The following AATK variants were observed in gnomAD, a reference collection of about 807,000 sequenced individuals.
AATK encodes lemur tail kinase 1.
In AATK, 91 loss-of-function variants were observed where a neutral mutation model predicts 114.3. The observed-to-expected ratio is 0.80, with a 90% CI of 0.67 to 0.95. The LOEUF (loss-of-function observed/expected upper bound fraction) is 0.95, where lower values mean the gene tolerates loss of function less well. AATK is among the 40% of genes least tolerant of loss of function. AATK has a pLI of 0.00. For synonymous variants in AATK, 1,075 were observed against 916.5 expected, an observed-to-expected ratio of 1.17 and a Z score of -3.12; for missense variants, 2,176 against 1,965.2, an observed-to-expected ratio of 1.11 and a Z score of -2.03.
At position 81,122,279 on chromosome 17, in the gene AATK, T is replaced by C. The variant is rs1218906774; in HGVS notation, c.1657A>G (p.Ser553Gly). The C allele has an allele frequency of 1.3e-6, 2 of 1,499,166 alleles. No individual in the cohort carries two copies. Among genetic ancestry groups the C allele is most frequent in the Non-Finnish European group, 8.8e-7 (1 of 1,131,220 alleles). 92.9% of individuals were successfully genotyped at this position (1,499,166 alleles called of 1,614,324 possible). A position where few individuals can be genotyped will look rare whatever the true frequency, so the allele number is the denominator to read the frequency against. Residue 553 changes from serine (S) to glycine (G), a missense_variant, in exon 11 of 14, where the codon AGT becomes GGT. By Grantham distance (56) the Ser-to-Gly change is moderately conservative. This residue lies in a region of AATK where 1,701 missense variants were observed against 1,394.7 expected (regional missense o/e 1.22). Coordinates refer to ENST00000326724, the MANE Select transcript of AATK (RefSeq NM_001080395.3). ...TCCTGGTCCGCGGTGGCAGGTGGAC[T>C]GGGGGCGCAGCCGGCGCAGTCAGGG... is the stretch of plus-strand genomic sequence containing the variant. Reference protein sequence around the residue: ...HDPDCAGCAPSPPATADQDDD... With the variant: ...HDPDCAGCAPGPPATADQDDD...
intron 1 of AATK, among the ~76,000 whole-genome samples, chr17:81,153,084 C>T (rs2061317855): frequency 1.3e-5 from 2 of 152,168 alleles, no homozygotes; most frequent in Non-Finnish European, 2.9e-5. Flanking sequence ...TCAGGTGATC[C>T]GCCTGCCTCG....
chr17:81,160,307 C>A, intron 1 of AATK: 6 of 961,740 alleles, frequency 6.2e-6, no homozygotes, highest in Non-Finnish European at 7.4e-6. Context: ...GGGAGGACCC[C>A]AGCCCGCCCC....
chr17:81,121,530 T>C lies in AATK; in HGVS notation c.2406A>G (p.Pro802=), dbSNP rs1477730911. ...PRLPLPSVPS[P]SQEGAPLPSE... is the part of the protein sequence containing the mutation. ...AGGGAAGTGGGGCTCCCTCCTGGGA[T>C]GGGGAGGGGACGGAAGGAAGGGGCA... The change falls in exon 11 of 14, where the codon CCA becomes CCG. Residue 802 remains proline (P), a synonymous_variant. Transcript: ENST00000326724. 1.9e-6 allele frequency: 3 copies of C among 1,539,200 alleles called. No individual in the cohort carries two copies. The highest frequency in any genetic ancestry group is 4.6e-5 in the East Asian group (2 of 43,912).
At position 81,117,354 on chromosome 17, in the gene AATK, G is replaced by C. The variant is rs1021430234; in HGVS notation, c.*1048C>G. The C allele has an allele frequency of 2.0e-5, 3 of 152,300 alleles. No individual in the cohort carries two copies. The highest frequency in any genetic ancestry group is 2.9e-5 in the Non-Finnish European group (2 of 68,056). 9.4% of individuals were successfully genotyped at this position (152,300 alleles called of 1,614,324 possible). A position where few individuals can be genotyped will look rare whatever the true frequency, so the allele number is the denominator to read the frequency against. On this transcript the variant is annotated 3_prime_UTR_variant, in exon 14 of 14. Coordinates refer to ENST00000326724, the MANE Select transcript of AATK (RefSeq NM_001080395.3). The stretch of plus-strand genomic sequence containing the variant: ...CAAGGAACAAGAAAACATTGCACCA[G>C]CGTTCTAAGCCTCAAACAAAACACA...
At chr17:81,145,340 A>T (rs1469644131) in intron 1 of AATK, among the ~76,000 whole-genome samples, 1 of 152,238 alleles carries the variant, frequency 6.6e-6, no homozygotes, top group African/African-American at 2.4e-5. Flanking sequence ...CTTAAAAGAA[A>T]ATAGGTAAAT....
rs1267876635 is a variant in AATK, at chr17:81,121,414, G to A, written c.2522C>T (p.Ala841Val). ...TGGEVSAIKLASALNGSSSSP... is the reference protein window; with the variant it reads ...TGGEVSAIKLVSALNGSSSSP... ...GCTGCTGCTGCCATTCAGGGCAGAA[G>A]CCAGCTTGATGGCAGACACCTCGCC... Residue 841 changes from alanine to valine, a missense_variant, in exon 11 of 14, where the codon GCT becomes GTT. This residue lies in a region of AATK where 1,701 missense variants were observed against 1,394.7 expected (regional missense o/e 1.22). Coordinates refer to ENST00000326724, the MANE Select transcript of AATK (RefSeq NM_001080395.3). 1.2e-6 allele frequency: 2 copies of A among 1,607,122 alleles called. No individual in the cohort carries two copies. Among genetic ancestry groups the A allele is most frequent in the South Asian group, 2.2e-5 (2 of 90,024 alleles).
intron 11 of AATK, 33 bp from the exon 12 acceptor site, chr17:81,120,116 C>T: frequency 6.8e-7 from 1 of 1,467,010 alleles, no homozygotes; most frequent in African/African-American, 1.4e-5. Context: ...GGTAGCTCGG[C>T]CGCCAGGAGC....
intron 3 of AATK, among the ~76,000 whole-genome samples, chr17:81,130,549 C>T (rs1368428939): frequency 6.6e-6 from 1 of 152,134 alleles, no homozygotes; most frequent in Non-Finnish European, 1.5e-5. Flanking sequence ...CACCACCCGC[C>T]CACACGGGCC....
At chr17:81,165,551 G>A (rs1398637217) in intron 1 of AATK, 4 of 1,032,840 alleles carry the variant, frequency 3.9e-6, no homozygotes, top group African/African-American at 1.6e-5. Flanking sequence ...CCAGGGCCCC[G>A]GACCCAGGAG....
chr17:81,137,985 C>T (rs1326146667), intron 1 of AATK, among the ~76,000 whole-genome samples: 2 of 150,982 alleles, frequency 1.3e-5, no homozygotes, highest in Non-Finnish European at 3.0e-5. Context: ...CACCCACACG[C>T]GTGCACACAC....
chr17:81,142,703 T>C (rs2061156370), intron 1 of AATK, among the ~76,000 whole-genome samples: 1 of 152,090 alleles, frequency 6.6e-6, no homozygotes. Flanking sequence ...GCTGCCGGCT[T>C]TGAGTCAGTC....
chr17:81,166,006 G>A lies in AATK; in HGVS notation c.-14C>T. 4.5e-6 allele frequency: 7 copies of A among 1,554,258 alleles called. No individual in the cohort carries two copies. The highest frequency in any genetic ancestry group is 6.1e-6 in the Non-Finnish European group (7 of 1,152,768). ...GGACGACGACATGGCCGGGCCAGCG[G>A]CCGGCGGGCATCCCGGGAGGGCGCT... On this transcript the variant is annotated 5_prime_UTR_variant, in exon 1 of 14. Coordinates refer to ENST00000326724, the MANE Select transcript of AATK (RefSeq NM_001080395.3).
In AATK at chr17:81,155,193, TCAAGAC is replaced by T. The variant is rs2061345848; in HGVS notation, c.55+10739_55+10744del. Among the ~76,000 whole-genome samples the T allele has an allele frequency of 3.9e-5, 6 of 152,298 alleles. No homozygotes were observed. The South Asian group carries it at 1.2e-3, about 32-fold the overall frequency. ...TCGCATTTGGGCAAGATAAAATTTC[TCAAGAC>T]CCTGGCTCTGTGGGCGACTGCACGT... On this transcript the variant is annotated intron_variant, in intron 1 of 13. Transcript: ENST00000326724.
chr17:81,156,686 C>T (rs965370518), intron 1 of AATK, among the ~76,000 whole-genome samples: 2 of 152,222 alleles, frequency 1.3e-5, no homozygotes, highest in South Asian at 2.1e-4. Flanking sequence ...TGTGAGCCAC[C>T]GCGCCCAGAC....
intron 1 of AATK, among the ~76,000 whole-genome samples, chr17:81,141,957 C>CTTCCTTCCTTCCT (rs2061146496): frequency 1.2e-5 from 1 of 83,120 alleles, no homozygotes; most frequent in African/African-American, 3.4e-5. Context: ...CCTTCCTTTC[C>CTTCCTTCCTTCCT]TTCCTTCCTT....
chr17:81,121,477 G>A lies in AATK; in HGVS notation c.2459C>T (p.Pro820Leu), dbSNP rs756445170. 6.4e-7 allele frequency: 1 copy of A among 1,568,644 alleles called. No homozygotes were observed. Among genetic ancestry groups the A allele is most frequent in the South Asian group, 1.2e-5 (1 of 84,248 alleles). ...CGTGGGAGAGTCAGGCAGGGCATCAGGGGCGTCGGGGGCACTGGCCTCCTC... is the reference window on the plus strand; with the variant it reads ...CGTGGGAGAGTCAGGCAGGGCATCAAGGGCGTCGGGGGCACTGGCCTCCTC... ...PSEEASAPDA[P>L]DALPDSPTPA... Residue 820 changes from proline to leucine, a missense_variant, in exon 11 of 14, where the codon CCT becomes CTT. Physicochemically the swap from Pro to Leu is moderately conservative, Grantham distance 98 (BLOSUM62 -3). This residue lies in a region of AATK where 1,701 missense variants were observed against 1,394.7 expected (regional missense o/e 1.22). Coordinates refer to ENST00000326724, the MANE Select transcript of AATK (RefSeq NM_001080395.3).
Position 81,120,672 on chromosome 17 carries a change from C to A in AATK, c.3264G>T (p.Lys1088Asn). Residue 1088 changes from lysine to asparagine, a missense_variant, in exon 11 of 14, where the codon AAG becomes AAT. Transcript: ENST00000326724. ...PEPPEPQGPAKVRPGPSPSCS... is the reference protein window; with the variant it reads ...PEPPEPQGPANVRPGPSPSCS... Reference sequence around the variant, plus strand: ...AGCTGGGGCTGGGCCCAGGCCGCACCTTGGCTGGGCCTTGGGGCTCCGGAG... The same window carrying A: ...AGCTGGGGCTGGGCCCAGGCCGCACATTGGCTGGGCCTTGGGGCTCCGGAG... 6.6e-7 allele frequency: 1 copy of A among 1,516,640 alleles called. No homozygotes were observed. Among genetic ancestry groups the A allele is most frequent in the Middle Eastern group, 1.8e-4 (1 of 5,654 alleles). 93.9% of individuals were successfully genotyped at this position (1,516,640 alleles called of 1,614,324 possible).
rs2146291070 is a variant in AATK, at chr17:81,123,337, C to G, written c.969G>C (p.Leu323=). ...DQTKSGNVWS[L]GVTIWELFEL... ...CAAAGAGCTCCCAGATGGTCACGCC[C>G]AGGGACCTGTGGGGCGACAGCCGTG... is the stretch of plus-strand genomic sequence containing the variant. Residue 323 remains leucine, a synonymous_variant, in exon 10 of 14, where the codon CTG becomes CTC. Coordinates refer to ENST00000326724, the MANE Select transcript of AATK (RefSeq NM_001080395.3). The G allele has an allele frequency of 2.2e-6, 3 of 1,372,624 alleles. No homozygotes were observed. Among genetic ancestry groups the G allele is most frequent in the East Asian group, 3.1e-5 (1 of 32,522 alleles). 85.0% of individuals were successfully genotyped at this position (1,372,624 alleles called of 1,614,324 possible).
rs773212027 is a variant in AATK at position 81,121,348 on chromosome 17, G to T, written c.2588C>A (p.Thr863Lys). ...VEAPSSEDED[T>K]AEATSGIFTD... ...GAAGATGCCTGAGGTGGCCTCGGCC[G>T]TGTCCTCATCCTCACTGCTGGGTGC... The change falls in exon 11 of 14, where the codon ACG becomes AAG. Residue 863 changes from threonine to lysine, a missense_variant. Coordinates refer to ENST00000326724, the MANE Select transcript of AATK (RefSeq NM_001080395.3). 2.5e-6 allele frequency: 4 copies of T among 1,611,990 alleles called. No homozygotes were observed. The highest frequency in any genetic ancestry group is 3.4e-6 in the Non-Finnish European group (4 of 1,179,670).
Sources: gnomAD v4.1 joint callset for allele counts (sites outside exome capture counted in the v4.1 genomes callset) on GRCh38, gnomAD v4.1.1 for gene constraint, gnomAD v4.1.1 regional missense constraint, MANE v1.5 for transcripts, NCBI Gene and HGNC (gene_info 2026-07-23, HGNC 2026-07-21) for gene names.